Variants in OR2M4 observed in about 807,000 individuals in gnomAD.
OR2M4 encodes olfactory receptor 2M4.
OR2M4 carries 8 observed loss-of-function variants against 13.7 expected under a neutral mutation model. The observed-to-expected ratio is 0.58, with a 90% confidence interval of 0.34 to 1.05. OR2M4 has a LOEUF of 1.05. Ranked by LOEUF, OR2M4 falls within the 50% of genes least tolerant of loss-of-function variation. The pLI, the probability that OR2M4 is intolerant of heterozygous loss-of-function variation, is 0.02. For missense variants in OR2M4, 374 were observed against 381.6 expected, an observed-to-expected ratio of 0.98 and a Z score of 0.17; for synonymous variants, 152 against 141.3, an observed-to-expected ratio of 1.08 and a Z score of -0.53.
In OR2M4 at chr1:248,239,532, T is replaced by C. The variant is rs749838806; in HGVS notation, c.604T>C (p.Cys202Arg). 4.3e-6 allele frequency: 7 copies of C among 1,614,020 alleles called. No homozygotes were observed. Among genetic ancestry groups the C allele is most frequent in the Middle Eastern group, 3.3e-4 (2 of 6,084 alleles). The change falls in exon 2 of 2, where the codon TGT becomes CGT. Residue 202 changes from cysteine to arginine, a missense_variant. By Grantham distance (180) the Cys-to-Arg change is radical. Coordinates refer to ENST00000641868, the MANE Select transcript of OR2M4 (RefSeq NM_017504.2). ...TSAFERLLVI[C>R]CVVMLIFPVS... The stretch of plus-strand genomic sequence containing the variant: ...TGCATTTGAAAGACTACTTGTCATT[T>C]GTTGTGTGGTAATGCTAATCTTTCC...
At chr1:248,234,239 A>C (rs922903095) in intron 1 of OR2M4, among the ~76,000 whole-genome samples, 32 of 152,076 alleles carry the variant, frequency 2.1e-4, no homozygotes, top group African/African-American at 7.5e-4. Flanking sequence ...ACACAACTAC[A>C]TCCTGAGTTC....
At position 248,243,556 on chromosome 1, in the gene OR2M4, T is replaced by C. The variant is rs1666637497; in HGVS notation, c.*3692T>C. 1 of 152,210 alleles carries C rather than the reference T, an allele frequency of 6.6e-6. No individual in the cohort carries two copies. The highest frequency in any genetic ancestry group is 2.4e-5 in the African/African-American group (1 of 41,442). 9.4% of individuals were successfully genotyped at this position (152,210 alleles called of 1,614,324 possible). A position where few individuals can be genotyped will look rare whatever the true frequency, so the allele number is the denominator to read the frequency against. On this transcript the variant is annotated 3_prime_UTR_variant, in exon 2 of 2. Coordinates refer to ENST00000641868, the MANE Select transcript of OR2M4 (RefSeq NM_017504.2). ...GCAGAGAGAGCTACCTTTCAGCATG[T>C]ACAGAAATTAACTCGAGATGGATTA...
rs1360222204 is a variant in OR2M4, at chr1:248,240,075, A to G, written c.*211A>G. On this transcript the variant is annotated 3_prime_UTR_variant, in exon 2 of 2. Coordinates refer to ENST00000641868, the MANE Select transcript of OR2M4 (RefSeq NM_017504.2). ...AGTATAAGTGGTTTAATCCCTGTGA[A>G]TGACAATTATATTATTAGGTGTCAC... 3 of 421,716 alleles carry G rather than the reference A, an allele frequency of 7.1e-6. No individual in the cohort carries two copies. In the East Asian group the frequency reaches 1.2e-4, roughly 17 times the overall value. The allele number at this position is 421,716 out of a possible 1,614,324, so 26.1% of individuals were successfully genotyped here. A position where few individuals can be genotyped will look rare whatever the true frequency, so the allele number is the denominator to read the frequency against.
intron 1 of OR2M4, among the ~76,000 whole-genome samples, chr1:248,235,818 T>C (rs1208440860): frequency 2.0e-5 from 3 of 152,122 alleles, no homozygotes; most frequent in South Asian, 2.1e-4. Context: ...TGTTGGTGCA[T>C]AGGAATGCTT....
chr1:248,239,700 A>G lies in OR2M4; in HGVS notation c.772A>G (p.Met258Val), dbSNP rs1332452684. ...ACTCTACTACGGTGCTGCTATGTTC[A>G]TGTACATGAGACCAGCTTCTAAACA... is the stretch of plus-strand genomic sequence containing the variant. ...VGLYYGAAMF[M>V]YMRPASKHTP... Residue 258 changes from methionine (M) to valine (V), a missense_variant, in exon 2 of 2, where the codon ATG becomes GTG. Coordinates refer to ENST00000641868, the MANE Select transcript of OR2M4 (RefSeq NM_017504.2). The G allele has an allele frequency of 6.2e-6, 10 of 1,614,076 alleles. No individual in the cohort carries two copies. In the Admixed American group the frequency reaches 1.2e-4, roughly 19 times the overall value.
rs1197192473 is a variant in OR2M4, at chr1:248,243,191, A to G, written c.*3327A>G. On this transcript the variant is annotated 3_prime_UTR_variant, in exon 2 of 2. Coordinates refer to ENST00000641868, the MANE Select transcript of OR2M4 (RefSeq NM_017504.2). ...TGATTTTAAAAAGTTTATACATAAA[A>G]TGTAAAATATATCGTTATTAATTTT... 2 of 152,232 alleles carry G rather than the reference A, an allele frequency of 1.3e-5. No individual in the cohort carries two copies. Among genetic ancestry groups the G allele is most frequent in the African/African-American group, 4.8e-5 (2 of 41,448 alleles). The allele number at this position is 152,232 out of a possible 1,614,324, so 9.4% of individuals were successfully genotyped here.
In OR2M4 at chr1:248,240,727, C is replaced by T. The variant is rs1666610883; in HGVS notation, c.*863C>T. On this transcript the variant is annotated 3_prime_UTR_variant, in exon 2 of 2. Transcript: ENST00000641868. ...TTTTAACTTTATATCACTGAAGAGGCAGTGAAGAGGTAGAAAAAACAACTT... is the reference window on the plus strand; with the variant it reads ...TTTTAACTTTATATCACTGAAGAGGTAGTGAAGAGGTAGAAAAAACAACTT... 1 of 152,160 alleles carries T rather than the reference C, an allele frequency of 6.6e-6. No individual in the cohort carries two copies. Among genetic ancestry groups the T allele is most frequent in the Middle Eastern group, 3.2e-3 (1 of 316 alleles). The allele number at this position is 152,160 out of a possible 1,614,324, so 9.4% of individuals were successfully genotyped here. A position where few individuals can be genotyped will look rare whatever the true frequency, so the allele number is the denominator to read the frequency against.
intron 1 of OR2M4, among the ~76,000 whole-genome samples, chr1:248,232,051 A>G (rs1303244061): frequency 2.6e-5 from 4 of 152,186 alleles, no homozygotes; most frequent in African/African-American, 9.7e-5. Flanking sequence ...AAAATTTTCT[A>G]CATACCACCC....
chr1:248,239,012 T>G lies in OR2M4; in HGVS notation c.84T>G (p.Phe28Leu), dbSNP rs1553299511. 25 of 1,614,056 alleles carry G rather than the reference T, an allele frequency of 1.5e-5. 1 individual carries two copies. The South Asian group carries it at 2.6e-4, about 17-fold the overall frequency. ...ACAGTCCCACCCACACCTTCCTTTT[T>G]TCTCTGGTCCTGGGCATCTTCTCAC... ...FNHSPTHTFL[F>L]SLVLGIFSLA... is the part of the protein sequence containing the mutation. Residue 28 changes from phenylalanine (F) to leucine (L), a missense_variant, in exon 2 of 2, where the codon TTT becomes TTG. Physicochemically the swap from Phe to Leu is conservative, Grantham distance 22. Coordinates refer to ENST00000641868, the MANE Select transcript of OR2M4 (RefSeq NM_017504.2).
intron 1 of OR2M4, among the ~76,000 whole-genome samples, chr1:248,232,130 T>C (rs1666511814): frequency 6.6e-6 from 1 of 152,190 alleles, no homozygotes; most frequent in South Asian, 2.1e-4. Context: ...AGTTTTCTTA[T>C]TTGTGTTCTT....
In OR2M4 at chr1:248,242,841, A is replaced by C. The variant is rs1572808725; in HGVS notation, c.*2977A>C. 6.6e-6 allele frequency: 1 copy of C among 152,346 alleles called. No individual in the cohort carries two copies. Among genetic ancestry groups the C allele is most frequent in the East Asian group, 1.9e-4 (1 of 5,190 alleles). The allele number at this position is 152,346 out of a possible 1,614,324, so 9.4% of individuals were successfully genotyped here. A position where few individuals can be genotyped will look rare whatever the true frequency, so the allele number is the denominator to read the frequency against. On this transcript the variant is annotated 3_prime_UTR_variant, in exon 2 of 2. Coordinates refer to ENST00000641868, the MANE Select transcript of OR2M4 (RefSeq NM_017504.2). ...ACATTTGATTTTACACATAATATGC[A>C]GAAAAAAGTAATTTTAATATGCAAT...
Position 248,239,850 on chromosome 1 carries a change from A to G in OR2M4, c.922A>G (p.Arg308Gly). The G allele has an allele frequency of 6.3e-7, 1 of 1,594,630 alleles. No individual in the cohort carries two copies. Among genetic ancestry groups the G allele is most frequent in the Admixed American group, 1.8e-5 (1 of 55,656 alleles). ...FRALQKVLKK[R>G]KLI ...GGCACTACAGAAGGTACTGAAGAAA[A>G]GAAAGTTAATATGACCTTATCAAAA... is the stretch of plus-strand genomic sequence containing the variant. The change falls in exon 2 of 2, where the codon AGA (arginine) becomes GGA (glycine). Residue 308 changes from arginine to glycine, a missense_variant. Transcript: ENST00000641868.
Position 248,239,899 on chromosome 1 carries a change from C to A in OR2M4, c.*35C>A. On this transcript the variant is annotated 3_prime_UTR_variant, in exon 2 of 2. Transcript: ENST00000641868. ...AATCTTTTTGAGTGCCTACTGTGGTCAACACTCATTCAAAAAAACTGGAAT... is the reference window on the plus strand; with the variant it reads ...AATCTTTTTGAGTGCCTACTGTGGTAAACACTCATTCAAAAAAACTGGAAT... 7.6e-7 allele frequency: 1 copy of A among 1,319,418 alleles called. No individual in the cohort carries two copies. Among genetic ancestry groups the A allele is most frequent in the South Asian group, 1.5e-5 (1 of 66,072 alleles). The allele number at this position is 1,319,418 out of a possible 1,614,324, so 81.7% of individuals were successfully genotyped here.
At position 248,238,994 on chromosome 1, in the gene OR2M4, C is replaced by T. The variant is rs554408730; in HGVS notation, c.66C>T (p.Pro22=). 6.2e-7 allele frequency: 1 copy of T among 1,613,774 alleles called. No individual in the cohort carries two copies. Among genetic ancestry groups the T allele is most frequent in the South Asian group, 1.1e-5 (1 of 91,014 alleles). ...FILLGIFNHS[P]THTFLFSLVL... is the part of the protein sequence containing the mutation. ...TGCTGGGAATCTTCAATCACAGTCCCACCCACACCTTCCTTTTTTCTCTGG... is the reference window on the plus strand; with the variant it reads ...TGCTGGGAATCTTCAATCACAGTCCTACCCACACCTTCCTTTTTTCTCTGG... Residue 22 remains proline (P), a synonymous_variant, in exon 2 of 2, where the codon CCC becomes CCT. Transcript: ENST00000641868.
In OR2M4 at chr1:248,244,244, T is replaced by C. The variant is rs1429138607; in HGVS notation, c.*4380T>C. The C allele has an allele frequency of 6.6e-6, 1 of 152,128 alleles. No individual in the cohort carries two copies. The highest frequency in any genetic ancestry group is 2.4e-5 in the African/African-American group (1 of 41,420). 9.4% of individuals were successfully genotyped at this position (152,128 alleles called of 1,614,324 possible). On this transcript the variant is annotated 3_prime_UTR_variant, in exon 2 of 2. Transcript: ENST00000641868. The stretch of plus-strand genomic sequence containing the variant: ...AAATTGTTCTACCCCAAAGACAAAT[T>C]ATTCATTCATTGCAGTGTTATTCCC...
chr1:248,238,847 G>A, intron 1 of OR2M4, 63 bp from the exon 2 acceptor site: 1 of 1,045,766 alleles, frequency 9.6e-7, no homozygotes, highest in Non-Finnish European at 1.4e-6. Context: ...AGTAGAGTAT[G>A]TCACAGTATG....
rs1048831488 is a variant in OR2M4, at chr1:248,244,620, A to G, written c.*4756A>G. 12 of 152,158 alleles carry G rather than the reference A, an allele frequency of 7.9e-5. No individual in the cohort carries two copies. The highest frequency in any genetic ancestry group is 1.5e-4 in the Non-Finnish European group (10 of 68,018). 9.4% of individuals were successfully genotyped at this position (152,158 alleles called of 1,614,324 possible). A position where few individuals can be genotyped will look rare whatever the true frequency, so the allele number is the denominator to read the frequency against. On this transcript the variant is annotated 3_prime_UTR_variant, in exon 2 of 2. Coordinates refer to ENST00000641868, the MANE Select transcript of OR2M4 (RefSeq NM_017504.2). The stretch of plus-strand genomic sequence containing the variant: ...TCACAACCTGGGTGATGGGATCTAT[A>G]CCCTAAACCTCAGCGTGATGAAATA...
chr1:248,244,393 A>T lies in OR2M4; in HGVS notation c.*4529A>T, dbSNP rs1471017523. On this transcript the variant is annotated 3_prime_UTR_variant, in exon 2 of 2. Coordinates refer to ENST00000641868, the MANE Select transcript of OR2M4 (RefSeq NM_017504.2). ...ACAAAATCATGTCCTTTGTAGCAAC[A>T]TGGATGCAACTGGAGGCCATTATCC... 1.3e-5 allele frequency: 2 copies of T among 152,238 alleles called. No individual in the cohort carries two copies. The highest frequency in any genetic ancestry group is 6.5e-5 in the Admixed American group (1 of 15,292). 9.4% of individuals were successfully genotyped at this position (152,238 alleles called of 1,614,324 possible).
chr1:248,239,016 C>G lies in OR2M4; in HGVS notation c.88C>G (p.Leu30Val), dbSNP rs1165076222. The change falls in exon 2 of 2, where the codon CTG (leucine) becomes GTG (valine). Residue 30 changes from leucine to valine, a missense_variant. Transcript: ENST00000641868. Reference protein sequence around the residue: ...HSPTHTFLFSLVLGIFSLALM... With the variant: ...HSPTHTFLFSVVLGIFSLALM... The stretch of plus-strand genomic sequence containing the variant: ...TCCCACCCACACCTTCCTTTTTTCT[C>G]TGGTCCTGGGCATCTTCTCACTGGC... The G allele has an allele frequency of 1.2e-6, 2 of 1,613,448 alleles. No homozygotes were observed. The highest frequency in any genetic ancestry group is 1.6e-4 in the Middle Eastern group (1 of 6,074).
Sources: allele counts gnomAD v4.1 joint callset (sites outside exome capture counted in the v4.1 genomes callset), GRCh38; gene constraint gnomAD v4.1.1; transcripts MANE v1.5; gene names NCBI Gene and HGNC (gene_info 2026-07-23, HGNC 2026-07-21).